NRK: variants seen among roughly 807,000 people sequenced by gnomAD.
NRK encodes the protein nik-related protein kinase.
Under a neutral mutation model 125.2 loss-of-function variants are expected in NRK, and 67 were observed. That is an observed-to-expected ratio of 0.54 (90% confidence interval 0.44 to 0.66). The LOEUF (loss-of-function observed/expected upper bound fraction) is 0.66, where lower values mean the gene tolerates loss of function less well. Ranked by LOEUF, NRK falls within the 30% of genes least tolerant of loss-of-function variation. NRK has a pLI of 0.00. For missense variants in NRK, 1,224 were observed against 1,192.9 expected, an observed-to-expected ratio of 1.03 and a Z score of -0.38; for synonymous variants, 458 against 429.0, an observed-to-expected ratio of 1.07 and a Z score of -0.84.
intron 24 of NRK, among the ~76,000 whole-genome samples, chrX:105,944,994 A>G (rs934039169): frequency 2.7e-5 from 3 of 111,994 alleles, no homozygotes; most frequent in Non-Finnish European, 5.6e-5. Flanking sequence ...CTTACTTATA[A>G]TGCTCCAGAA....
intron 2 of NRK, among the ~76,000 whole-genome samples, chrX:105,867,671 T>C (rs1444022154): frequency 8.9e-6 from 1 of 111,879 alleles, no homozygotes; most frequent in Non-Finnish European, 1.9e-5. Context: ...ATTTTCGTTA[T>C]ATCTCCCAAA....
rs749723991 is a variant in NRK at position 105,909,769 on chromosome X, T to C, written c.2128T>C (p.Trp710Arg). The change falls in exon 13 of 29, where the codon TGG (tryptophan) becomes CGG (arginine). Residue 710 changes from tryptophan to arginine, a missense_variant. Physicochemically the swap from Trp to Arg is moderately radical, Grantham distance 101. Coordinates refer to ENST00000243300, the MANE Select transcript of NRK (RefSeq NM_198465.4). Reference sequence around the variant, plus strand: ...AAAGAGGTTCAGGGCAAAGTCATCATGGAGACCTGAAAAGCTTGAACTCTC... The same window carrying C: ...AAAGAGGTTCAGGGCAAAGTCATCACGGAGACCTGAAAAGCTTGAACTCTC... ...SPKRFRAKSS[W>R]RPEKLELSDL... 62 of 1,181,808 alleles carry C rather than the reference T, an allele frequency of 5.2e-5. 1 individual carries two copies. In the East Asian group the frequency reaches 1.8e-3, roughly 34 times the overall value.
rs2040046328 is a variant in NRK at position 105,893,865 on chromosome X, A to G, written c.412A>G (p.Thr138Ala). The change falls in exon 6 of 29, where the codon ACT becomes GCT. Residue 138 changes from threonine to alanine, a missense_variant. Transcript: ENST00000243300. Reference sequence around the variant, plus strand: ...GGAGTTATGTGCAGCAGGTTCGGTCACTGATGTAGTGAGAATGACCAGTAA... The same window carrying G: ...GGAGTTATGTGCAGCAGGTTCGGTCGCTGATGTAGTGAGAATGACCAGTAA... ...VMELCAAGSV[T>A]DVVRMTSNQS... The G allele has an allele frequency of 8.3e-7, 1 of 1,198,854 alleles. No individual in the cohort carries two copies.
At chrX:105,877,638 A>G (rs1503199) in intron 2 of NRK, among the ~76,000 whole-genome samples, 3,076 of 110,781 alleles carry the variant, frequency 0.028, 123 homozygotes, top group African/African-American at 0.096. Flanking sequence ...TCTATGATCT[A>G]TTGTCTGTAT....
chrX:105,873,058 A>G (rs1165979059), intron 2 of NRK, among the ~76,000 whole-genome samples: 1 of 111,820 alleles, frequency 8.9e-6, no homozygotes, highest in Non-Finnish European at 1.9e-5. Context: ...TAAGTGCCTC[A>G]TGGCCTTCTG....
At position 105,909,529 on chromosome X, in the gene NRK, C is replaced by G; in HGVS notation, c.1888C>G (p.Pro630Ala). ...GGCACAGGCTTGGACACTAGAACCC[C>G]CACAGGCAATTGGCTCAGTTCAAGC... ...PQAQAWTLEPPQAIGSVQALI... is the reference protein window; with the variant it reads ...PQAQAWTLEPAQAIGSVQALI... Residue 630 changes from proline to alanine, a missense_variant, in exon 13 of 29, where the codon CCA becomes GCA. Coordinates refer to ENST00000243300, the MANE Select transcript of NRK (RefSeq NM_198465.4). 8.3e-7 allele frequency: 1 copy of G among 1,210,549 alleles called. No individual in the cohort carries two copies. The highest frequency in any genetic ancestry group is 1.8e-5 in the South Asian group (1 of 56,734).
chrX:105,952,918 T>C, intron 27 of NRK, 116 bp from the exon 28 acceptor site: 1 of 603,346 alleles, frequency 1.7e-6, no homozygotes, highest in Admixed American at 4.4e-5. Context: ...CAGGATGTGC[T>C]AACCTGAACT....
At position 105,937,141 on chromosome X, in the gene NRK, T is replaced by G. The variant is rs1025267755; in HGVS notation, c.3656-298T>G. Among the ~76,000 whole-genome samples, 5 of 109,705 alleles carry G rather than the reference T, an allele frequency of 4.6e-5. No individual in the cohort carries two copies. The South Asian group carries it at 1.6e-3, about 35-fold the overall frequency. ...CCAGTGGAATACTGCCAGAGGGAAT[T>G]ATGTTCTATATTTTTATGTATTTCA... is the stretch of plus-strand genomic sequence containing the variant. On this transcript the variant is annotated intron_variant, in intron 21 of 28. Coordinates refer to ENST00000243300, the MANE Select transcript of NRK (RefSeq NM_198465.4).
Position 105,908,833 on chromosome X carries a change from C to T in NRK, c.1192C>T (p.Arg398Ter), listed in dbSNP as rs768316899. The T allele has an allele frequency of 2.5e-6, 3 of 1,209,399 alleles. No homozygotes were observed. Among genetic ancestry groups the T allele is most frequent in the Non-Finnish European group, 3.4e-6 (3 of 893,611 alleles). ...EPSQPRWLPDREEPQVQALQQ... is the reference protein window; with the variant it reads ...EPSQPRWLPD ...CTCTCAGCCAAGGTGGCTACCTGAT[C>T]GAGAAGAGCCACAGGTCCAGGCACT... is the stretch of plus-strand genomic sequence containing the variant. The change falls in exon 13 of 29, where the codon CGA (arginine) becomes TGA (stop). Residue 398 changes from arginine to a stop codon, truncating the protein, a stop_gained. Transcript: ENST00000243300. LOFTEE classifies it high-confidence loss of function.
chrX:105,881,535 T>G (rs2147708106), intron 3 of NRK, among the ~76,000 whole-genome samples, 173 bp from the exon 4 acceptor site: 1 of 112,148 alleles, frequency 8.9e-6, no homozygotes, highest in East Asian at 2.8e-4. Context: ...GTTGCCAAAT[T>G]TCTGTATGTC....
chrX:105,939,902 T>C lies in NRK; in HGVS notation c.3828T>C (p.His1276=). 8.4e-7 allele frequency: 1 copy of C among 1,189,626 alleles called. No individual in the cohort carries two copies. Among genetic ancestry groups the C allele is most frequent in the South Asian group, 1.8e-5 (1 of 55,513 alleles). Residue 1276 remains histidine, a synonymous_variant, in exon 23 of 29, where the codon CAT becomes CAC. Transcript: ENST00000243300. ...SGHKNRLRVY[H]LTWLRNKILN... is the part of the protein sequence containing the mutation. ...ATAAGAACAGACTTCGGGTGTATCA[T>C]CTGACCTGGTTGAGGAACAAGATTT... is the stretch of plus-strand genomic sequence containing the variant.
intron 8 of NRK, among the ~76,000 whole-genome samples, chrX:105,899,974 GA>G (rs982367535): frequency 9.3e-6 from 1 of 107,556 alleles, no homozygotes; most frequent in Non-Finnish European, 1.9e-5. Context: ...TCTCAAGGAA[GA>G]AAAAAAAAGA....
At chrX:105,884,272 G>A (rs1795410511) in intron 4 of NRK, among the ~76,000 whole-genome samples, 1 of 111,281 alleles carries the variant, frequency 9.0e-6, no homozygotes, top group Non-Finnish European at 1.9e-5. Context: ...TAAATCCAGT[G>A]GAAAATCCTT....
intron 2 of NRK, among the ~76,000 whole-genome samples, chrX:105,834,957 A>AATT (rs1309305191): frequency 3.6e-5 from 4 of 111,772 alleles, no homozygotes; most frequent in African/African-American, 1.3e-4. Flanking sequence ...TTCATGCATT[A>AATT]ATCATAGTTA....
At chrX:105,922,595 C>T (rs2040466820) in intron 17 of NRK, among the ~76,000 whole-genome samples, 1 of 111,818 alleles carries the variant, frequency 8.9e-6, no homozygotes, top group Non-Finnish European at 1.9e-5. Context: ...CTACCGTACA[C>T]ACATCCCTTC....
At chrX:105,836,674 A>T (rs1167890725) in intron 2 of NRK, among the ~76,000 whole-genome samples, 1 of 112,261 alleles carries the variant, frequency 8.9e-6, no homozygotes, top group Non-Finnish European at 1.9e-5. Context: ...AAACATGTAG[A>T]TATACATTGC....
At chrX:105,824,891 G>A (rs931593524) in intron 1 of NRK, among the ~76,000 whole-genome samples, 20 of 111,431 alleles carry the variant, frequency 1.8e-4, no homozygotes, top group African/African-American at 6.5e-4. Flanking sequence ...CTTAATGAAA[G>A]TCTCATAAAG....
intron 19 of NRK, among the ~76,000 whole-genome samples, chrX:105,930,076 A>G (rs760571477): frequency 9.0e-6 from 1 of 111,447 alleles, no homozygotes; most frequent in East Asian, 2.8e-4. Context: ...AGTTGAATAT[A>G]TTTGATAACC....
At chrX:105,859,439 T>C (rs1294511951) in intron 2 of NRK, among the ~76,000 whole-genome samples, 1 of 111,940 alleles carries the variant, frequency 8.9e-6, no homozygotes, top group Non-Finnish European at 1.9e-5. Context: ...ACCTGCCAGA[T>C]AAGGTTCTCC....
Sources: gnomAD v4.1 joint callset for allele counts (sites outside exome capture counted in the v4.1 genomes callset) on GRCh38, gnomAD v4.1.1 for gene constraint, MANE v1.5 for transcripts, NCBI Gene and HGNC (gene_info 2026-07-23, HGNC 2026-07-21) for gene names.